The following FAAH2 variants were observed in gnomAD, a reference collection of about 807,000 sequenced individuals.
FAAH2 encodes the protein fatty acid amide hydrolase 2.
FAAH2 carries 60 observed loss-of-function variants against 36.9 expected under a neutral mutation model. The ratio of observed to expected loss-of-function variants is 1.63; its 90% CI spans 1.32 to 2.02. The LOEUF (loss-of-function observed/expected upper bound fraction) is 2.02, where lower values mean the gene tolerates loss of function less well. Ranked by LOEUF, FAAH2 falls within the 30% of genes most tolerant of loss-of-function variation. The pLI, the probability that FAAH2 is intolerant of heterozygous loss-of-function variation, is 0.00. For missense variants in FAAH2, 689 were observed against 397.5 expected (o/e 1.73, Z -6.23); for synonymous variants, 214 against 143.8 (o/e 1.49, Z -3.49).
chrX:57,427,273 C>A (rs2056185710), intron 7 of FAAH2, among the ~76,000 whole-genome samples: 1 of 110,118 alleles, frequency 9.1e-6, no homozygotes, highest in Non-Finnish European at 1.9e-5. Context: ...CAAAGAAAGG[C>A]CCAGGACCAA....
In FAAH2 at chrX:57,304,188, C is replaced by T. The variant is rs779444608; in HGVS notation, c.276-6405C>T. 1.4e-4 allele frequency among the ~76,000 whole-genome samples: 16 copies of T among 111,959 alleles called. No homozygotes were observed. The East Asian group carries it at 4.5e-3, about 31-fold the overall frequency. On this transcript the variant is annotated intron_variant, in intron 2 of 10. Transcript: ENST00000374900. ...TGCCACTGCACTCCAGCCTGGCCGA[C>T]AGAGAGAGACTGTCTCAAAAACAAA... is the stretch of plus-strand genomic sequence containing the variant.
the FAAH2 span, among the ~76,000 whole-genome samples, chrX:57,253,214 G>GA: frequency 2.8e-5 from 3 of 108,340 alleles, no homozygotes; most frequent in South Asian, 8.0e-4. Context: ...CAAGCTTAGA[G>GA]AAAAAAGAGT....
At chrX:57,446,185 G>T (rs1237644594) in intron 8 of FAAH2, among the ~76,000 whole-genome samples, 1 of 112,406 alleles carries the variant, frequency 8.9e-6, no homozygotes, top group Non-Finnish European at 1.9e-5. Flanking sequence ...GGTGCTGATG[G>T]ACAATGAGGG....
At chrX:57,180,104 A>T in the FAAH2 span, among the ~76,000 whole-genome samples, 2 of 112,057 alleles carry the variant, frequency 1.8e-5, no homozygotes, top group African/African-American at 6.5e-5. Context: ...TTTCTGGGAC[A>T]CAACTAAGGC....
chrX:57,254,819 G>A, the FAAH2 span, among the ~76,000 whole-genome samples: 3 of 111,794 alleles, frequency 2.7e-5, no homozygotes, highest in East Asian at 5.6e-4. Context: ...TCAAGAGAAA[G>A]CAAGAGACAT....
At chrX:57,157,834 C>T in the FAAH2 span, among the ~76,000 whole-genome samples, 1 of 110,293 alleles carries the variant, frequency 9.1e-6, no homozygotes, top group Non-Finnish European at 1.9e-5. Flanking sequence ...TTTATTTTTT[C>T]TCTTGAACTT....
the FAAH2 span, among the ~76,000 whole-genome samples, chrX:57,164,960 C>T: frequency 1.1e-4 from 12 of 112,260 alleles, no homozygotes; most frequent in South Asian, 1.8e-3. Flanking sequence ...AATAGCCATA[C>T]GGATCTACTC....
At chrX:57,236,394 T>G in the FAAH2 span, among the ~76,000 whole-genome samples, 2 of 112,306 alleles carry the variant, frequency 1.8e-5, no homozygotes, top group African/African-American at 6.5e-5. Context: ...GTGGTTTAAT[T>G]TAATATTTTG....
chrX:57,323,682 G>GTTTTT (rs141756561), intron 3 of FAAH2, among the ~76,000 whole-genome samples: 2 of 63,505 alleles, frequency 3.1e-5, no homozygotes, highest in Non-Finnish European at 6.1e-5. Flanking sequence ...TGATGGGGTT[G>GTTTTT]TTTTTTTTTT....
chrX:57,215,944 T>C, the FAAH2 span, among the ~76,000 whole-genome samples: 1 of 101,922 alleles, frequency 9.8e-6, no homozygotes, highest in Non-Finnish European at 2.0e-5. Flanking sequence ...TACCTGCACG[T>C]TCTGCTCATG....
intron 2 of FAAH2, among the ~76,000 whole-genome samples, chrX:57,307,863 C>T (rs1318671388): frequency 2.7e-5 from 3 of 110,059 alleles, no homozygotes; most frequent in Non-Finnish European, 5.7e-5. Context: ...TATTTAGCTC[C>T]CACTGAGAAA....
chrX:57,422,087 A>T (rs1602610020), intron 7 of FAAH2, among the ~76,000 whole-genome samples: 1 of 111,766 alleles, frequency 8.9e-6, no homozygotes, highest in Non-Finnish European at 1.9e-5. Flanking sequence ...AGGAAAAAAA[A>T]AACATTCTTT....
chrX:57,412,081 T>C (rs1041611013), intron 7 of FAAH2, among the ~76,000 whole-genome samples: 1 of 111,845 alleles, frequency 8.9e-6, no homozygotes, highest in African/African-American at 3.2e-5. Context: ...ATCCATTGCC[T>C]AAAACATTTA....
the FAAH2 span, among the ~76,000 whole-genome samples, chrX:57,238,011 G>A: frequency 9.0e-6 from 1 of 111,702 alleles, no homozygotes; most frequent in African/African-American, 3.3e-5. Context: ...GTATTGGCAA[G>A]GTTTTGGAGA....
chrX:57,379,481 T>C (rs1179271557), intron 6 of FAAH2, among the ~76,000 whole-genome samples: 2 of 109,554 alleles, frequency 1.8e-5, no homozygotes, highest in Non-Finnish European at 3.8e-5. Flanking sequence ...TTTGTTCCAT[T>C]ACTTATCTCA....
intron 2 of FAAH2, among the ~76,000 whole-genome samples, chrX:57,302,215 T>G: frequency 8.9e-6 from 1 of 111,913 alleles, no homozygotes; most frequent in Non-Finnish European, 1.9e-5. Flanking sequence ...TGGGACAAAA[T>G]TCTTCCTCTG....
chrX:57,474,914 A>G (rs777135186), intron 10 of FAAH2, among the ~76,000 whole-genome samples: 13 of 111,763 alleles, frequency 1.2e-4, no homozygotes, highest in Admixed American at 2.9e-4. Context: ...ATGGTATCTC[A>G]TTGTGGTTTT....
intron 5 of FAAH2, among the ~76,000 whole-genome samples, chrX:57,359,377 T>C (rs546952378): frequency 8.9e-6 from 1 of 112,002 alleles, no homozygotes; most frequent in Middle Eastern, 4.7e-3. Flanking sequence ...TGATTTCTTC[T>C]TTCACTTGTT....
chrX:57,229,915 G>A, the FAAH2 span, among the ~76,000 whole-genome samples: 1 of 111,586 alleles, frequency 9.0e-6, no homozygotes, highest in South Asian at 3.7e-4. Flanking sequence ...CTGTAGATAA[G>A]ATTTCATATA....
Sources: gnomAD v4.1 joint callset for allele counts (sites outside exome capture counted in the v4.1 genomes callset) on GRCh38, gnomAD v4.1.1 for gene constraint, MANE v1.5 for transcripts, NCBI Gene and HGNC (gene_info 2026-07-23, HGNC 2026-07-21) for gene names.